The following CEP63 variants were observed in gnomAD, a reference collection of about 807,000 sequenced individuals.
CEP63 encodes centrosomal protein of 63 kDa.
Under a neutral mutation model 89.1 loss-of-function variants are expected in CEP63, and 84 were observed. That is an observed-to-expected ratio of 0.94 (90% CI 0.79 to 1.13). The LOEUF (loss-of-function observed/expected upper bound fraction) is 1.13. CEP63 is among the 50% of genes most tolerant of loss of function. CEP63 has a pLI of 0.00. For missense variants in CEP63, 838 were observed against 813.3 expected (o/e 1.03, Z -0.37); for synonymous variants, 267 against 272.5 (o/e 0.98, Z 0.20).
At chr3:134,665,916 C>A in the CEP63 span, among the ~76,000 whole-genome samples, 2 of 151,392 alleles carry the variant, frequency 1.3e-5, 1 homozygote. Flanking sequence ...GAGACAGAGA[C>A]CGAGACATAG....
chr3:134,539,894 C>G (rs139327169), intron 6 of CEP63, among the ~76,000 whole-genome samples: 80 of 152,212 alleles, frequency 5.3e-4, no homozygotes, highest in African/African-American at 1.8e-3. Flanking sequence ...ACCCATAATT[C>G]TACCGTTAAG....
At chr3:134,724,280 CAA>C in the CEP63 span, among the ~76,000 whole-genome samples, 1 of 152,220 alleles carries the variant, frequency 6.6e-6, no homozygotes. Context: ...TCTGCTCTGT[CAA>C]ACTTCTCTTT....
At chr3:134,570,227 T>C (rs560501969) in intron 11 of CEP63, among the ~76,000 whole-genome samples, 2 of 150,200 alleles carry the variant, frequency 1.3e-5, no homozygotes, top group Non-Finnish European at 3.0e-5. Flanking sequence ...TTATGCAAAT[T>C]TCTGCAGCTG....
In CEP63 at chr3:134,563,426, C is replaced by CT. The variant is rs879754262; in HGVS notation, c.*1902dup. On this transcript the variant is annotated 3_prime_UTR_variant, in exon 15 of 15. Transcript: ENST00000675561. ...CCCTTCAGACTCTTCCAAGGCTTCT[C>CT]TTTTTTTTTTTATTGAGACAGAGTC... is the stretch of plus-strand genomic sequence containing the variant. 2.2e-4 allele frequency: 33 copies of CT among 149,336 alleles called. No individual in the cohort carries two copies. The highest frequency in any genetic ancestry group is 2.7e-4 in the Admixed American group (4 of 14,974). The allele number at this position is 149,336 out of a possible 1,614,324, so 9.3% of individuals were successfully genotyped here.
Position 134,551,949 on chromosome 3 carries a change from A to T in CEP63, c.1404A>T (p.Ser468=). 6.2e-7 allele frequency: 1 copy of T among 1,609,638 alleles called. No individual in the cohort carries two copies. The highest frequency in any genetic ancestry group is 8.5e-7 in the Non-Finnish European group (1 of 1,177,228). ...AGGAGATTTTGGATCAGCTGGAGTC[A>T]CTCAAATTAGAAAATCGTCATCTTT... The part of the protein sequence containing the change: ...EHKEILDQLE[S]LKLENRHLSE... Residue 468 remains serine, a synonymous_variant, in exon 12 of 15, where the codon TCA becomes TCT. Coordinates refer to ENST00000675561, the MANE Select transcript of CEP63 (RefSeq NM_001353108.3).
chr3:134,747,546 G>T, the CEP63 span, among the ~76,000 whole-genome samples: 1 of 152,210 alleles, frequency 6.6e-6, no homozygotes, highest in Non-Finnish European at 1.5e-5. Flanking sequence ...GATTTTGGTT[G>T]CAGCTGTGGT....
At chr3:134,772,110 C>T in the CEP63 span, among the ~76,000 whole-genome samples, 1 of 152,186 alleles carries the variant, frequency 6.6e-6, no homozygotes, top group Non-Finnish European at 1.5e-5. Context: ...TTAAAGCAGA[C>T]ACAGGCAGGC....
In CEP63 at chr3:134,563,426, CT is replaced by C. The variant is rs879754262; in HGVS notation, c.*1902del. ...CCCTTCAGACTCTTCCAAGGCTTCT[CT>C]TTTTTTTTTTATTGAGACAGAGTCT... is the stretch of plus-strand genomic sequence containing the variant. On this transcript the variant is annotated 3_prime_UTR_variant, in exon 15 of 15. Transcript: ENST00000675561. 14 of 149,336 alleles carry C rather than the reference CT, an allele frequency of 9.4e-5. No individual in the cohort carries two copies. The highest frequency in any genetic ancestry group is 1.3e-4 in the Non-Finnish European group (9 of 67,116). The allele number at this position is 149,336 out of a possible 1,614,324, so 9.3% of individuals were successfully genotyped here.
the CEP63 span, among the ~76,000 whole-genome samples, chr3:134,778,952 G>A: frequency 5.3e-5 from 8 of 152,310 alleles, no homozygotes; most frequent in African/African-American, 1.7e-4. Context: ...GTGCTGAGCA[G>A]CGAAATTGTA....
the CEP63 span, among the ~76,000 whole-genome samples, chr3:134,745,927 T>G: frequency 2.0e-5 from 3 of 147,698 alleles, no homozygotes; most frequent in East Asian, 2.1e-4. Context: ...TTCTTTTTTT[T>G]TTATTATACT....
At chr3:134,663,125 T>A in the CEP63 span, among the ~76,000 whole-genome samples, 3 of 152,312 alleles carry the variant, frequency 2.0e-5, no homozygotes, top group South Asian at 6.2e-4. Context: ...CAGGGCTCCA[T>A]GTGCCCCAGA....
At chr3:134,776,544 GT>G in the CEP63 span, among the ~76,000 whole-genome samples, 1 of 152,170 alleles carries the variant, frequency 6.6e-6, no homozygotes, top group Non-Finnish European at 1.5e-5. Flanking sequence ...ACAGAGAGGG[GT>G]TCTAGTCTCT....
In CEP63 at chr3:134,523,292, G is replaced by A. The variant is rs116359629; in HGVS notation, c.223-8553G>A. ...ACTTTTAAGTTCTTTATAGATGCTG[G>A]ATACTAGTCTTTTGTCAGATGCATA... On this transcript the variant is annotated intron_variant, in intron 3 of 14. Transcript: ENST00000675561. Among the ~76,000 whole-genome samples, 528 of 152,108 alleles carry A rather than the reference G, an allele frequency of 3.5e-3. 7 individuals carry two copies. Among genetic ancestry groups the A allele is most frequent in the African/African-American group, 0.012 (508 of 41,508 alleles).
At chr3:134,494,220 ATT>A (rs1240080905) in intron 1 of CEP63, among the ~76,000 whole-genome samples, 4 of 149,456 alleles carry the variant, frequency 2.7e-5, no homozygotes, top group Admixed American at 2.0e-4. Context: ...ACTTCAAGCG[ATT>A]TTCCTACCTC....
At chr3:134,555,231 C>G (rs531350738) in intron 12 of CEP63, among the ~76,000 whole-genome samples, 5 of 152,236 alleles carry the variant, frequency 3.3e-5, no homozygotes, top group African/African-American at 1.2e-4. Context: ...GATGCCCTCT[C>G]TCATCACTCC....
the CEP63 span, among the ~76,000 whole-genome samples, chr3:134,741,260 T>G: frequency 6.6e-6 from 1 of 152,312 alleles, no homozygotes; most frequent in East Asian, 1.9e-4. Flanking sequence ...GGTCTGCACC[T>G]TGTTTTATCT....
the CEP63 span, chr3:134,600,785 C>T: frequency 2.6e-5 from 4 of 152,314 alleles, no homozygotes; most frequent in Non-Finnish European, 4.4e-5. Flanking sequence ...CAAAACAGTC[C>T]CATCACATCC....
chr3:134,537,084 A>T, intron 5 of CEP63, 71 bp from the exon 6 acceptor site: 2 of 948,962 alleles, frequency 2.1e-6, no homozygotes, highest in Non-Finnish European at 3.5e-6. Context: ...AATTAAAGTT[A>T]AAGGGAGTCT....
the CEP63 span, among the ~76,000 whole-genome samples, chr3:134,609,087 C>T: frequency 4.6e-5 from 7 of 152,118 alleles, no homozygotes; most frequent in Non-Finnish European, 7.4e-5. Flanking sequence ...CCTAGGCTGT[C>T]GAGGGGAAAA....
Sources: gnomAD v4.1 joint callset for allele counts (sites outside exome capture counted in the v4.1 genomes callset) on GRCh38, gnomAD v4.1.1 for gene constraint, MANE v1.5 for transcripts, NCBI Gene and HGNC (gene_info 2026-07-23, HGNC 2026-07-21) for gene names.